RAD50: variants seen among roughly 807,000 people sequenced by gnomAD.
RAD50 encodes RAD50 double strand break repair protein, also known as DNA repair protein RAD50.
A neutral mutation model predicts 168.8 loss-of-function variants in RAD50; 132 were observed. That is an observed-to-expected ratio of 0.78 (90% confidence interval 0.68 to 0.90). The LOEUF (loss-of-function observed/expected upper bound fraction) is 0.90, where lower values mean the gene tolerates loss of function less well. Ranked by LOEUF, RAD50 falls within the 40% of genes least tolerant of loss-of-function variation. The probability of loss-of-function intolerance (pLI) is 0.00; values close to 1 mark genes in which losing one functional copy is unlikely to be tolerated. For missense variants in RAD50, 1,347 were observed against 1,534.4 expected, an observed-to-expected ratio of 0.88 and a Z score of 2.04; for synonymous variants, 525 against 497.4, an observed-to-expected ratio of 1.06 and a Z score of -0.74.
In RAD50 at chr5:132,642,855, C is replaced by T. The variant is rs886145626; in HGVS notation, c.*491C>T. 3 of 368,858 alleles carry T rather than the reference C, an allele frequency of 8.1e-6. No homozygotes were observed. Among genetic ancestry groups the T allele is most frequent in the African/African-American group, 6.1e-5 (3 of 49,022 alleles). 22.8% of individuals were successfully genotyped at this position (368,858 alleles called of 1,614,324 possible). A position where few individuals can be genotyped will look rare whatever the true frequency, so the allele number is the denominator to read the frequency against. On this transcript the variant is annotated 3_prime_UTR_variant, in exon 25 of 25. Coordinates refer to ENST00000378823, the MANE Select transcript of RAD50 (RefSeq NM_005732.4). ...GATGTATGTTTGGCTCTGCTTTTAA[C>T]TTTATAAATCCAGTGACCTCTCTCT...
At chr5:132,592,666 T>C (rs1750723995) in intron 11 of RAD50, 1 of 296,784 alleles carries the variant, frequency 3.4e-6, no homozygotes, top group Non-Finnish European at 7.1e-6. Context: ...CCCCAACAAC[T>C]GTTGCCATGA....
intron 21 of RAD50, among the ~76,000 whole-genome samples, chr5:132,635,433 C>T (rs567248314): frequency 7.9e-5 from 12 of 152,276 alleles, no homozygotes; most frequent in South Asian, 6.2e-4. Flanking sequence ...AGAGAGGATA[C>T]GAAGATGAGT....
chr5:132,622,272 T>A (rs1410675264), intron 21 of RAD50, among the ~76,000 whole-genome samples: 3 of 152,030 alleles, frequency 2.0e-5, no homozygotes, highest in South Asian at 2.1e-4. Context: ...GCAGTTCTCA[T>A]TCCTCAGCCT....
At chr5:132,581,493 AG>A (rs1339646039) in intron 5 of RAD50, among the ~76,000 whole-genome samples, 2 of 152,202 alleles carry the variant, frequency 1.3e-5, no homozygotes, top group Admixed American at 6.5e-5. Context: ...AAAGGATATT[AG>A]GTGAAAAGTA....
At chr5:132,641,567 T>A (rs1751721808) in intron 24 of RAD50, among the ~76,000 whole-genome samples, 1 of 152,122 alleles carries the variant, frequency 6.6e-6, no homozygotes, top group South Asian at 2.1e-4. Flanking sequence ...AGGGGATAAG[T>A]GGCTAGCTAA....
Position 132,637,155 on chromosome 5 carries a change from A to T in RAD50, c.3430A>T (p.Asn1144Tyr). The T allele has an allele frequency of 6.2e-7, 1 of 1,612,232 alleles. No individual in the cohort carries two copies. The highest frequency in any genetic ancestry group is 1.1e-5 in the South Asian group (1 of 91,002). ...TCACAGTATGAAAATGGAAGAAATC[A>T]ATAAAATTATACGTGACCTGTGGCG... ...KFHSMKMEEI[N>Y]KIIRDLWRST... The change falls in exon 22 of 25, where the codon AAT becomes TAT. Residue 1144 changes from asparagine (N) to tyrosine (Y), a missense_variant. This residue lies in a region of RAD50 where 635 missense variants were observed against 739.2 expected (regional missense o/e 0.86). Transcript: ENST00000378823.
intron 23 of RAD50, 77 bp downstream of exon 23, chr5:132,638,300 GC>G: frequency 1.3e-6 from 2 of 1,536,602 alleles, no homozygotes. Flanking sequence ...TGCAGTGGAA[GC>G]ACCCAAGGCT....
Position 132,642,203 on chromosome 5 carries a change from CG to C in RAD50, c.3779del (p.Arg1260LeufsTer7), listed in dbSNP as rs786202259. ...GATAATAAAAAGTCGCTCACAGCAG[CG>C]TAACTTCCAGCTTCTGGTAATCACT... Reference protein sequence around the residue: ...VEIIKSRSQQRNFQLLVITHD... With the variant: ...VEIIKSRSQQXNFQLLVITHD... On this transcript the variant is annotated frameshift_variant, in exon 25 of 25. Transcript: ENST00000378823. LOFTEE classifies it high-confidence loss of function. The C allele has an allele frequency of 3.1e-6, 5 of 1,614,082 alleles. No individual in the cohort carries two copies. Among genetic ancestry groups the C allele is most frequent in the Non-Finnish European group, 4.2e-6 (5 of 1,179,946 alleles).
rs10054336 is a variant in RAD50 at position 132,609,429 on chromosome 5, C to T, written c.3036+33C>T. On this transcript the variant is annotated intron_variant, in intron 19 of 24. Coordinates refer to ENST00000378823, the MANE Select transcript of RAD50 (RefSeq NM_005732.4). ...TGTTTTGCTTATGATATCACTTACA[C>T]CTATGACATTCTTTTCTATAGTTTT... The T allele has an allele frequency of 0.01, 16,564 of 1,610,580 alleles. 1,277 individuals are homozygous for T. In the African/African-American group the frequency reaches 0.18, roughly 18 times the overall value.
At chr5:132,607,487 C>T (rs764011425) in intron 16 of RAD50, among the ~76,000 whole-genome samples, 26 of 151,958 alleles carry the variant, frequency 1.7e-4, no homozygotes, top group African/African-American at 3.6e-4. Context: ...TATAATTATG[C>T]GTACTCATTC....
chr5:132,582,167 A>G (rs1750516436), intron 5 of RAD50, among the ~76,000 whole-genome samples: 3 of 152,248 alleles, frequency 2.0e-5, no homozygotes, highest in African/African-American at 7.2e-5. Context: ...TGAAGCATTT[A>G]TATTGGAAAT....
At chr5:132,611,903 G>C (rs993671103) in intron 19 of RAD50, among the ~76,000 whole-genome samples, 1 of 152,074 alleles carries the variant, frequency 6.6e-6, no homozygotes, top group Non-Finnish European at 1.5e-5. Context: ...TCCTTGATAC[G>C]AGGTTCTGTA....
At chr5:132,625,875 G>C (rs1479468528) in intron 21 of RAD50, among the ~76,000 whole-genome samples, 2 of 151,730 alleles carry the variant, frequency 1.3e-5, no homozygotes, top group African/African-American at 2.4e-5. Flanking sequence ...TTTTATGGCT[G>C]AATAGCACTC....
At chr5:132,578,524 CTTTTTTTTT>C (rs903882684) in intron 3 of RAD50, among the ~76,000 whole-genome samples, 1 of 84,340 alleles carries the variant, frequency 1.2e-5, no homozygotes, top group Admixed American at 1.4e-4. Flanking sequence ...TTTTTTCTTT[CTTTTTTTTT>C]TTTTTTTTTT....
At chr5:132,619,885 T>A (rs9687749) in intron 21 of RAD50, among the ~76,000 whole-genome samples, 3 of 121,226 alleles carry the variant, frequency 2.5e-5, no homozygotes, top group East Asian at 5.4e-4. Flanking sequence ...TATATATATA[T>A]AGAGAGAGAG....
Position 132,595,052 on chromosome 5 carries a change from G to A in RAD50, c.1969+8G>A, listed in dbSNP as rs1200285492. On this transcript the variant is annotated splice_region_variant and intron_variant, in intron 12 of 24. Transcript: ENST00000378823. ...AATCATCAAAACAGCGAGGTAAGTTGTCTACTTTATATTATCAGGATACTT... is the reference window on the plus strand; with the variant it reads ...AATCATCAAAACAGCGAGGTAAGTTATCTACTTTATATTATCAGGATACTT... 2 of 1,604,226 alleles carry A rather than the reference G, an allele frequency of 1.2e-6. No homozygotes were observed. The highest frequency in any genetic ancestry group is 8.5e-7 in the Non-Finnish European group (1 of 1,171,632).
intron 21 of RAD50, among the ~76,000 whole-genome samples, chr5:132,628,532 G>A (rs1751407254): frequency 6.6e-6 from 1 of 152,096 alleles, no homozygotes; most frequent in Non-Finnish European, 1.5e-5. Context: ...AGTTGGGTGG[G>A]GAGAGAATGG....
chr5:132,591,418 C>T lies in RAD50; in HGVS notation c.1635+12C>T. 1 of 1,608,468 alleles carries T rather than the reference C, an allele frequency of 6.2e-7. No individual in the cohort carries two copies. Among genetic ancestry groups the T allele is most frequent in the Non-Finnish European group, 8.5e-7 (1 of 1,175,526 alleles). On this transcript the variant is annotated intron_variant, in intron 10 of 24. Transcript: ENST00000378823. ...TGACCAAAGACAAAGTATGATTTTT[C>T]TTTTTGTTCTAATTATACTGTCTGG...
intron 5 of RAD50, among the ~76,000 whole-genome samples, chr5:132,585,430 G>T (rs1750579209): frequency 6.6e-6 from 1 of 151,928 alleles, no homozygotes; most frequent in Admixed American, 6.6e-5. Flanking sequence ...TTTTTAATTT[G>T]TGTTTTCCTA....
Sources: allele counts gnomAD v4.1 joint callset (sites outside exome capture counted in the v4.1 genomes callset), GRCh38; gene constraint gnomAD v4.1.1; regional missense constraint gnomAD v4.1.1; transcripts MANE v1.5; gene names NCBI Gene and HGNC (gene_info 2026-07-23, HGNC 2026-07-21).